The following CRACDL variants were observed in gnomAD, a reference collection of about 807,000 sequenced individuals.
CRACDL encodes the protein CRACD-like protein.
In CRACDL, 26 loss-of-function variants were observed where a neutral mutation model predicts 70.6. The ratio of observed to expected loss-of-function variants is 0.37; its 90% CI spans 0.27 to 0.51. The LOEUF is 0.51. Ranked by LOEUF, CRACDL falls within the 20% of genes least tolerant of loss-of-function variation. The pLI, the probability that CRACDL is intolerant of heterozygous loss-of-function variation, is 0.94. For synonymous variants in CRACDL, 618 were observed against 615.2 expected (o/e 1.00, Z -0.07); for missense variants, 1,283 against 1,376.9 (o/e 0.93, Z 1.08).
chr2:98,913,629 AG>A (rs1708596482), intron 1 of CRACDL, among the ~76,000 whole-genome samples: 1 of 152,154 alleles, frequency 6.6e-6, no homozygotes. Flanking sequence ...TTAGTCACTC[AG>A]GACCACACCT....
chr2:98,864,750 C>T (rs1458150328), intron 1 of CRACDL, among the ~76,000 whole-genome samples: 4 of 152,070 alleles, frequency 2.6e-5, no homozygotes, highest in African/African-American at 7.2e-5. Flanking sequence ...TTTCACCATG[C>T]TGGCCAAGCT....
At chr2:98,889,279 A>G (rs1375746538) in intron 1 of CRACDL, among the ~76,000 whole-genome samples, 2 of 124,732 alleles carry the variant, frequency 1.6e-5, no homozygotes. Flanking sequence ...GAAACAGAAA[A>G]AGAGAGAGAA....
chr2:98,828,951 A>T (rs768995040), intron 5 of CRACDL, among the ~76,000 whole-genome samples: 3 of 152,220 alleles, frequency 2.0e-5, no homozygotes, highest in Non-Finnish European at 4.4e-5. Flanking sequence ...CACAAACAGG[A>T]TGTGTACATT....
chr2:98,857,936 T>A (rs1706773482), intron 1 of CRACDL, among the ~76,000 whole-genome samples: 1 of 152,110 alleles, frequency 6.6e-6, no homozygotes, highest in Admixed American at 6.6e-5. Flanking sequence ...CAAAACAAAA[T>A]ATATTTAAAG....
chr2:98,811,988 T>C (rs753030437), intron 7 of CRACDL, among the ~76,000 whole-genome samples: 4 of 152,230 alleles, frequency 2.6e-5, no homozygotes, highest in Admixed American at 2.6e-4. Context: ...TTTGTATTTT[T>C]ACTTTTGAGA....
In CRACDL at chr2:98,837,022, T is replaced by C. The variant is rs898326651; in HGVS notation, c.239+1097A>G. Among the ~76,000 whole-genome samples, 18 of 151,182 alleles carry C rather than the reference T, an allele frequency of 1.2e-4. No individual in the cohort carries two copies. In the South Asian group the frequency reaches 3.6e-3, roughly 30 times the overall value. ...ATGGCGTGAACCCGGGAGGCGCAGCTTGCAGTGAGCCAAGATCGCGCCACC... is the reference window on the plus strand; with the variant it reads ...ATGGCGTGAACCCGGGAGGCGCAGCCTGCAGTGAGCCAAGATCGCGCCACC... On this transcript the variant is annotated intron_variant, in intron 3 of 9. Transcript: ENST00000397899.
At chr2:98,883,748 C>G (rs796399706) in intron 1 of CRACDL, among the ~76,000 whole-genome samples, 1 of 152,302 alleles carries the variant, frequency 6.6e-6, no homozygotes, top group East Asian at 1.9e-4. Flanking sequence ...CCTGGTGTTG[C>G]TTAACAGCCT....
At chr2:98,843,301 C>T (rs1706118331) in intron 2 of CRACDL, among the ~76,000 whole-genome samples, 1 of 152,084 alleles carries the variant, frequency 6.6e-6, no homozygotes, top group Non-Finnish European at 1.5e-5. Context: ...GATGTAAGTC[C>T]TATATCAAGT....
chr2:98,888,039 A>C (rs1402712877), intron 1 of CRACDL, among the ~76,000 whole-genome samples: 1 of 152,244 alleles, frequency 6.6e-6, no homozygotes, highest in Non-Finnish European at 1.5e-5. Context: ...TAGATCATTC[A>C]GTTTAAGATG....
intron 1 of CRACDL, among the ~76,000 whole-genome samples, chr2:98,854,728 T>C (rs1706628421): frequency 6.6e-6 from 1 of 152,024 alleles, no homozygotes; most frequent in Non-Finnish European, 1.5e-5. Context: ...AAGAATATAA[T>C]TAAGGAAACA....
chr2:98,827,236 C>T, intron 5 of CRACDL, 67 bp from the exon 6 acceptor site: 1 of 1,094,056 alleles, frequency 9.1e-7, no homozygotes, highest in Non-Finnish European at 1.4e-6. Context: ...ACGACCAACG[C>T]AACAATGCTC....
chr2:98,800,579 G>A (rs868792969), intron 7 of CRACDL, among the ~76,000 whole-genome samples: 2 of 152,044 alleles, frequency 1.3e-5, no homozygotes, highest in African/African-American at 2.4e-5. Flanking sequence ...AATCCTCCCC[G>A]CTGGTTCACC....
intron 1 of CRACDL, among the ~76,000 whole-genome samples, chr2:98,900,220 AGGGG>A (rs1708239864): frequency 9.2e-5 from 2 of 21,742 alleles, no homozygotes; most frequent in African/African-American, 2.0e-4. Flanking sequence ...GCTCAGTGGG[AGGGG>A]AGGCAGGGGA....
At chr2:98,869,312 C>A in intron 1 of CRACDL, 1 of 1,202,326 alleles carries the variant, frequency 8.3e-7, no homozygotes, top group Non-Finnish European at 1.1e-6. Flanking sequence ...CCAAGCCCAG[C>A]CCTCCTGTGC....
chr2:98,859,532 A>G (rs1244866495), intron 1 of CRACDL, among the ~76,000 whole-genome samples: 1 of 152,200 alleles, frequency 6.6e-6, no homozygotes, highest in South Asian at 2.1e-4. Flanking sequence ...GCAATAAACC[A>G]TATTAATGGA....
intron 1 of CRACDL, among the ~76,000 whole-genome samples, chr2:98,932,254 C>T (rs943487652): frequency 5.3e-5 from 8 of 152,286 alleles, no homozygotes; most frequent in Non-Finnish European, 5.9e-5. Flanking sequence ...CCAGGCCGGG[C>T]CGGCCTGTCT....
chr2:98,892,288 A>G (rs1707998637), intron 1 of CRACDL, among the ~76,000 whole-genome samples: 1 of 152,220 alleles, frequency 6.6e-6, no homozygotes, highest in African/African-American at 2.4e-5. Flanking sequence ...TATCATAAAT[A>G]TTCCTTGGTA....
At chr2:98,922,717 C>T (rs1408421533) in intron 1 of CRACDL, among the ~76,000 whole-genome samples, 1 of 152,152 alleles carries the variant, frequency 6.6e-6, no homozygotes, top group Admixed American at 6.5e-5. Context: ...AAAACAGGGC[C>T]ACGGAGGGAA....
chr2:98,905,627 ATT>A (rs34712128), intron 1 of CRACDL, among the ~76,000 whole-genome samples: 55,423 of 129,858 alleles, frequency 0.43, 10,652 homozygotes, highest in Admixed American at 0.55. Context: ...GTGTTACCTC[ATT>A]TTTTTTTTTT....
Sources: allele counts gnomAD v4.1 joint callset (sites outside exome capture counted in the v4.1 genomes callset), GRCh38; gene constraint gnomAD v4.1.1; transcripts MANE v1.5; gene names NCBI Gene and HGNC (gene_info 2026-07-23, HGNC 2026-07-21).